The following CFAP53 variants were observed in gnomAD, a reference collection of about 807,000 sequenced individuals.
CFAP53 encodes cilia- and flagella-associated protein 53.
Under a neutral mutation model 59.7 loss-of-function variants are expected in CFAP53, and 62 were observed. The ratio of observed to expected loss-of-function variants is 1.04; its 90% CI spans 0.85 to 1.28. CFAP53 has a LOEUF of 1.28. Among genes scored for constraint, CFAP53 ranks in the 50% most tolerant of loss-of-function variants. The pLI is 0.00. For synonymous variants in CFAP53, 218 were observed against 205.7 expected (o/e 1.06, Z -0.51); for missense variants, 629 against 615.6 (o/e 1.02, Z -0.23).
intron 7 of CFAP53, among the ~76,000 whole-genome samples, chr18:50,232,753 G>A (rs2033594780): frequency 6.6e-6 from 1 of 152,244 alleles, no homozygotes; most frequent in Non-Finnish European, 1.5e-5. Flanking sequence ...TAGGTCTGGG[G>A]TGCTAATGCT....
chr18:50,260,416 C>G (rs1194357677), intron 3 of CFAP53, among the ~76,000 whole-genome samples: 2 of 152,080 alleles, frequency 1.3e-5, no homozygotes, highest in Non-Finnish European at 2.9e-5. Context: ...AATCCTAATA[C>G]TTTGGGTAGC....
At chr18:50,261,373 G>T in intron 2 of CFAP53, 136 bp from the exon 3 acceptor site, 2 of 1,040,524 alleles carry the variant, frequency 1.9e-6, no homozygotes, top group South Asian at 2.3e-5. Flanking sequence ...GAATAAGACT[G>T]GTTGGTTTGT....
At chr18:50,265,705 G>A (rs925324860) in intron 1 of CFAP53, among the ~76,000 whole-genome samples, 7 of 152,336 alleles carry the variant, frequency 4.6e-5, no homozygotes, top group South Asian at 4.1e-4. Context: ...AGTGTCTGAG[G>A]TTCTCAGCAG....
Position 50,250,932 on chromosome 18 carries a change from C to G in CFAP53, c.822G>C (p.Met274Ile). The G allele has an allele frequency of 1.9e-6, 3 of 1,614,158 alleles. No homozygotes were observed. The highest frequency in any genetic ancestry group is 2.5e-6 in the Non-Finnish European group (3 of 1,180,024). The change falls in exon 5 of 8, where the codon ATG (methionine) becomes ATC (isoleucine). Residue 274 changes from methionine (M) to isoleucine (I), a missense_variant. Transcript: ENST00000398545. ...AQIKHENEQD[M>I]LKKQKAKQET... ...CCTGCTTTGCCTTCTGTTTCTTTAGCATATCCTGTTCATTCTCATGTTTAA... is the reference window on the plus strand; with the variant it reads ...CCTGCTTTGCCTTCTGTTTCTTTAGGATATCCTGTTCATTCTCATGTTTAA...
intron 5 of CFAP53, among the ~76,000 whole-genome samples, 183 bp downstream of exon 5, chr18:50,250,575 G>T (rs370326587): frequency 2.6e-5 from 4 of 152,310 alleles, no homozygotes; most frequent in South Asian, 4.1e-4. Context: ...TTGATTGGGA[G>T]ATCCTGATTC....
chr18:50,247,812 T>TG (rs1377303371), intron 5 of CFAP53, among the ~76,000 whole-genome samples: 1 of 151,568 alleles, frequency 6.6e-6, no homozygotes, highest in African/African-American at 2.4e-5. Flanking sequence ...AGGCAGGAGG[T>TG]GGGGAAGAAG....
chr18:50,266,492 G>T lies in CFAP53; in HGVS notation c.-88C>A. On this transcript the variant is annotated 5_prime_UTR_variant, in exon 1 of 8. Transcript: ENST00000398545. ...CGGGACCCGCTTCCGCGACGCAGAA[G>T]TCTGGTTGCCATGGTGCGCCTCGCG... 7.3e-7 allele frequency: 1 copy of T among 1,362,006 alleles called. No homozygotes were observed. The highest frequency in any genetic ancestry group is 1.1e-6 in the Non-Finnish European group (1 of 951,234). 84.4% of individuals were successfully genotyped at this position (1,362,006 alleles called of 1,614,324 possible). A position where few individuals can be genotyped will look rare whatever the true frequency, so the allele number is the denominator to read the frequency against.
intron 7 of CFAP53, among the ~76,000 whole-genome samples, chr18:50,235,768 C>T (rs972052568): frequency 7.2e-5 from 11 of 152,202 alleles, no homozygotes; most frequent in South Asian, 2.1e-4. Flanking sequence ...GCTGTTCCCC[C>T]ATGGTCCCAC....
chr18:50,233,343 T>C (rs774813041), intron 7 of CFAP53, among the ~76,000 whole-genome samples: 12 of 152,244 alleles, frequency 7.9e-5, no homozygotes, highest in Non-Finnish European at 1.6e-4. Context: ...ACTCTTTTTA[T>C]CCAATTCTAC....
chr18:50,251,567 G>T lies in CFAP53; in HGVS notation c.691C>A (p.Arg231Ser), dbSNP rs12607385. 6 of 1,614,052 alleles carry T rather than the reference G, an allele frequency of 3.7e-6. No individual in the cohort carries two copies. In the African/African-American group the frequency reaches 8.0e-5, roughly 22 times the overall value. ...GTGATCTGGGCATTCAGCCCCAGGC[G>T]TGTGTTCTCCATCAGCTCTTTCTGT... is the stretch of plus-strand genomic sequence containing the variant. Reference protein sequence around the residue: ...RRQKELMENTRLGLNAQITSI... With the variant: ...RRQKELMENTSLGLNAQITSI... Residue 231 changes from arginine to serine, a missense_variant, in exon 4 of 8, where the codon CGC becomes AGC. Transcript: ENST00000398545.
intron 2 of CFAP53, 59 bp downstream of exon 2, chr18:50,261,931 T>C: frequency 7.3e-7 from 1 of 1,363,636 alleles, no homozygotes; most frequent in South Asian, 1.2e-5. Flanking sequence ...GACTGGTCAA[T>C]CTCAAATTGT....
chr18:50,256,788 A>T (rs1411661592), intron 3 of CFAP53, among the ~76,000 whole-genome samples: 1 of 151,598 alleles, frequency 6.6e-6, no homozygotes, highest in African/African-American at 2.4e-5. Flanking sequence ...GCTTTTTCAC[A>T]TCTGTTGACC....
At chr18:50,247,969 G>A (rs1230672145) in intron 5 of CFAP53, among the ~76,000 whole-genome samples, 1 of 152,110 alleles carries the variant, frequency 6.6e-6, no homozygotes, top group Non-Finnish European at 1.5e-5. Flanking sequence ...TTAAAAAAAT[G>A]ATTTAAATGT....
Position 50,238,606 on chromosome 18 carries a change from G to A in CFAP53, c.1313C>T (p.Ala438Val). The change falls in exon 7 of 8, where the codon GCA becomes GTA. Residue 438 changes from alanine to valine, a missense_variant. By Grantham distance (64) the Ala-to-Val change is moderately conservative (BLOSUM62 0). Transcript: ENST00000398545. ...GATACAGAAAACAAAATCATACCTT[G>A]CAAAATTCTCCTTCTCTTCACAGTT... ...ELNCEEKENF[A>V]RRQRLAQEYR... is the part of the protein sequence containing the mutation. 1 of 1,604,124 alleles carries A rather than the reference G, an allele frequency of 6.2e-7. No homozygotes were observed. The highest frequency in any genetic ancestry group is 8.5e-7 in the Non-Finnish European group (1 of 1,174,456).
intron 3 of CFAP53, among the ~76,000 whole-genome samples, chr18:50,254,529 G>A (rs922339560): frequency 5.9e-5 from 9 of 152,144 alleles, no homozygotes; most frequent in African/African-American, 1.7e-4. Flanking sequence ...CTCATATACC[G>A]CTGGTGGGAT....
intron 5 of CFAP53, among the ~76,000 whole-genome samples, chr18:50,245,629 A>C (rs912552640): frequency 9.2e-5 from 14 of 152,206 alleles, no homozygotes; most frequent in African/African-American, 3.4e-4. Context: ...AAATAAATGG[A>C]AAGACAGCTT....
intron 2 of CFAP53, 112 bp from the exon 3 acceptor site, chr18:50,261,349 T>C: frequency 8.4e-7 from 1 of 1,192,160 alleles, no homozygotes; most frequent in African/African-American, 1.6e-5. Flanking sequence ...GAAAGATCAC[T>C]GCAGTCTTCC....
At chr18:50,235,465 G>T (rs2033624671) in intron 7 of CFAP53, among the ~76,000 whole-genome samples, 1 of 152,198 alleles carries the variant, frequency 6.6e-6, no homozygotes, top group African/African-American at 2.4e-5. Flanking sequence ...TACTTGGGAG[G>T]CTGAGGCAGG....
intron 1 of CFAP53, among the ~76,000 whole-genome samples, chr18:50,264,498 T>C (rs190649505): frequency 2.0e-5 from 3 of 152,356 alleles, no homozygotes; most frequent in Admixed American, 6.5e-5. Flanking sequence ...TAGGAGACAC[T>C]CATCAAATAG....
Sources: allele counts gnomAD v4.1 joint callset (sites outside exome capture counted in the v4.1 genomes callset), GRCh38; gene constraint gnomAD v4.1.1; transcripts MANE v1.5; gene names NCBI Gene and HGNC (gene_info 2026-07-23, HGNC 2026-07-21).